Variants in HMGXB3 observed in about 807,000 individuals in gnomAD.
The protein encoded by HMGXB3 is HMG domain-containing protein 3.
In HMGXB3, 45 loss-of-function variants were observed where a neutral mutation model predicts 121.5. The ratio of observed to expected loss-of-function variants is 0.37; its 90% CI spans 0.29 to 0.47. The LOEUF is 0.47. Among genes scored for constraint, HMGXB3 ranks in the 20% least tolerant of loss-of-function variants. The probability of loss-of-function intolerance (pLI) is 0.99; values close to 1 mark genes in which losing one functional copy is unlikely to be tolerated. For missense variants in HMGXB3, 1,376 were observed against 1,602.2 expected, an observed-to-expected ratio of 0.86 and a Z score of 2.41; for synonymous variants, 590 against 624.1, an observed-to-expected ratio of 0.95 and a Z score of 0.81.
Position 150,047,617 on chromosome 5 carries a change from C to T in HMGXB3, c.2951-7C>T, listed in dbSNP as rs548089389. The T allele has an allele frequency of 2.8e-5, 44 of 1,551,626 alleles. No individual in the cohort carries two copies. The African/African-American group carries it at 5.6e-4, about 20-fold the overall frequency. ...CACCCTCCCACCAGCACTGTTGTCT[C>T]TTGCAGGCAGTGGCAGTGCCTTGGT... On this transcript the variant is annotated splice_region_variant and splice_polypyrimidine_tract_variant and intron_variant, in intron 16 of 19. Transcript: ENST00000502717.
intron 5 of HMGXB3, among the ~76,000 whole-genome samples, chr5:150,012,727 C>A (rs1370994949): frequency 6.6e-6 from 1 of 152,154 alleles, no homozygotes; most frequent in East Asian, 1.9e-4. Flanking sequence ...GGAAAAGGGC[C>A]ATAGGAGAGA....
At chr5:150,042,602 T>TGGGA (rs888291789) in intron 15 of HMGXB3, among the ~76,000 whole-genome samples, 3 of 129,358 alleles carry the variant, frequency 2.3e-5, no homozygotes, top group African/African-American at 8.6e-5. Context: ...GCTCAGAGTG[T>TGGGA]GGGAGGGAGG....
intron 6 of HMGXB3, among the ~76,000 whole-genome samples, chr5:150,019,823 G>A (rs544405692): frequency 2.6e-5 from 4 of 152,294 alleles, no homozygotes; most frequent in Admixed American, 6.5e-5. Flanking sequence ...AAACTTCTCT[G>A]GGGCAATTTT....
chr5:150,010,066 A>G (rs1269494594), intron 3 of HMGXB3, 45 bp from the exon 4 acceptor site: 23 of 1,525,382 alleles, frequency 1.5e-5, no homozygotes, highest in African/African-American at 2.8e-5. Context: ...GTCTTAGTCC[A>G]TTTATCTCTG....
At chr5:150,023,353 A>G (rs1460334675) in intron 6 of HMGXB3, among the ~76,000 whole-genome samples, 2 of 152,098 alleles carry the variant, frequency 1.3e-5, no homozygotes, top group African/African-American at 2.4e-5. Flanking sequence ...ACCCTTTGCT[A>G]TTTCATAAGG....
rs1374012787 is a variant in HMGXB3, at chr5:150,041,826, C to T, written c.2587C>T (p.Leu863=). 1.3e-6 allele frequency: 2 copies of T among 1,551,536 alleles called. No individual in the cohort carries two copies. Among genetic ancestry groups the T allele is most frequent in the Non-Finnish European group, 1.7e-6 (2 of 1,146,922 alleles). The part of the protein sequence containing the change: ...TSEELSQLQE[L]LCNGYWAFEC... ...GGAGGAGCTGAGCCAGCTGCAGGAG[C>T]TGCTGTGCAATGGCTATTGGGCCTT... Residue 863 remains leucine (L), a synonymous_variant, in exon 15 of 20, where the codon CTG becomes TTG. Transcript: ENST00000502717.
Position 150,024,634 on chromosome 5 carries a change from G to C in HMGXB3, c.1414G>C (p.Gly472Arg). 1.3e-6 allele frequency: 2 copies of C among 1,551,600 alleles called. No homozygotes were observed. The highest frequency in any genetic ancestry group is 1.7e-6 in the Non-Finnish European group (2 of 1,146,884). ...PGADVPTPSE[G>R]TSTSSPLPAP... is the part of the protein sequence containing the mutation. ...AGCAGACGTACCAACACCATCCGAGGGGACAAGTACCTCCAGTCCACTCCC... is the reference window on the plus strand; with the variant it reads ...AGCAGACGTACCAACACCATCCGAGCGGACAAGTACCTCCAGTCCACTCCC... The change falls in exon 7 of 20, where the codon GGG becomes CGG. Residue 472 changes from glycine to arginine, a missense_variant. Around this residue, in one of 2 missense-constraint regions of HMGXB3, gnomAD observed 1,116 missense variants for 1,369.0 expected, o/e 0.82. Coordinates refer to ENST00000502717, the MANE Select transcript of HMGXB3 (RefSeq NM_014983.3).
At chr5:150,032,631 C>T (rs1756407322) in intron 11 of HMGXB3, 28 bp downstream of exon 11, 3 of 1,551,410 alleles carry the variant, frequency 1.9e-6, no homozygotes, top group Non-Finnish European at 1.7e-6. Context: ...AACACATCCC[C>T]TGGCCTGTTC....
At position 150,024,323 on chromosome 5, in the gene HMGXB3, T is replaced by C. The variant is rs1338282171; in HGVS notation, c.1103T>C (p.Val368Ala). 5.8e-6 allele frequency: 9 copies of C among 1,551,664 alleles called. No homozygotes were observed. The highest frequency in any genetic ancestry group is 7.8e-6 in the Non-Finnish European group (9 of 1,146,990). ...ASGVSSKGSV[V>A]KRNQQPVTTE... is the part of the protein sequence containing the mutation. Reference sequence around the variant, plus strand: ...GGCGTCTCTTCCAAAGGCTCTGTGGTGAAAAGAAATCAGCAACCTGTCACC... The same window carrying C: ...GGCGTCTCTTCCAAAGGCTCTGTGGCGAAAAGAAATCAGCAACCTGTCACC... The change falls in exon 7 of 20, where the codon GTG becomes GCG. Residue 368 changes from valine (V) to alanine (A), a missense_variant. By Grantham distance (64) the Val-to-Ala change is moderately conservative. Around this residue, in one of 2 missense-constraint regions of HMGXB3, gnomAD observed 1,116 missense variants for 1,369.0 expected, o/e 0.82. Transcript: ENST00000502717.
Position 150,052,269 on chromosome 5 carries a change from G to T in HMGXB3, c.*77G>T, listed in dbSNP as rs948380483. ...TTGCCTGAGGCAGAGCTATCCAGGG[G>T]ACCTGCAGAAGTGGTCTCCTGTGGG... is the stretch of plus-strand genomic sequence containing the variant. On this transcript the variant is annotated 3_prime_UTR_variant, in exon 20 of 20. Transcript: ENST00000502717. 9.9e-6 allele frequency: 12 copies of T among 1,211,576 alleles called. No individual in the cohort carries two copies. In the South Asian group the frequency reaches 1.6e-4, roughly 16 times the overall value. 75.1% of individuals were successfully genotyped at this position (1,211,576 alleles called of 1,614,324 possible).
chr5:150,015,034 C>A, intron 5 of HMGXB3: 1 of 516,948 alleles, frequency 1.9e-6, no homozygotes, highest in South Asian at 3.3e-5. Flanking sequence ...CCCTTTTTGG[C>A]CTAAATGTTG....
At chr5:150,034,660 TAA>T (rs1213106419) in intron 11 of HMGXB3, among the ~76,000 whole-genome samples, 1 of 152,174 alleles carries the variant, frequency 6.6e-6, no homozygotes, top group Non-Finnish European at 1.5e-5. Context: ...TCCAATCTCC[TAA>T]AGTTTGGAGA....
At chr5:150,039,512 T>G (rs1306438328) in intron 13 of HMGXB3, among the ~76,000 whole-genome samples, 1 of 152,152 alleles carries the variant, frequency 6.6e-6, no homozygotes, top group Non-Finnish European at 1.5e-5. Context: ...AGGTAAAAAC[T>G]TGTGTATAAT....
chr5:150,048,508 G>GACTGAC (rs1186169121), intron 17 of HMGXB3, 61 bp from the exon 18 acceptor site: 2 of 1,121,832 alleles, frequency 1.8e-6, no homozygotes, highest in Non-Finnish European at 2.6e-6. Flanking sequence ...GTGATGCTGA[G>GACTGAC]CACCAGCCGT....
chr5:150,035,269 C>T (rs1302756076), intron 11 of HMGXB3, among the ~76,000 whole-genome samples: 2 of 152,066 alleles, frequency 1.3e-5, no homozygotes, highest in Non-Finnish European at 2.9e-5. Flanking sequence ...TGGTGAGGGC[C>T]TCAGACTGCC....
chr5:150,020,802 C>T (rs945206452), intron 6 of HMGXB3, among the ~76,000 whole-genome samples: 5 of 148,740 alleles, frequency 3.4e-5, no homozygotes, highest in Non-Finnish European at 7.4e-5. Flanking sequence ...CTGGATAGCA[C>T]GATCTCAGCT....
chr5:150,038,190 C>T (rs10075825), intron 13 of HMGXB3, among the ~76,000 whole-genome samples: 2 of 152,152 alleles, frequency 1.3e-5, no homozygotes, highest in Non-Finnish European at 2.9e-5. Context: ...GAACACTCAC[C>T]GTGTACCAGC....
At chr5:150,019,381 C>G (rs749772803) in intron 6 of HMGXB3, among the ~76,000 whole-genome samples, 1 of 152,108 alleles carries the variant, frequency 6.6e-6, no homozygotes, top group African/African-American at 2.4e-5. Flanking sequence ...TCCTTAATGA[C>G]CTTGGTATCT....
intron 6 of HMGXB3, among the ~76,000 whole-genome samples, chr5:150,019,328 C>T (rs1756032672): frequency 6.6e-6 from 1 of 152,098 alleles, no homozygotes; most frequent in African/African-American, 2.4e-5. Context: ...ATTTAACACT[C>T]ATCATCAGTT....
Sources: allele counts gnomAD v4.1 joint callset (sites outside exome capture counted in the v4.1 genomes callset), GRCh38; gene constraint gnomAD v4.1.1; regional missense constraint gnomAD v4.1.1; transcripts MANE v1.5; gene names NCBI Gene and HGNC (gene_info 2026-07-23, HGNC 2026-07-21).